C8orf34: variants seen among roughly 807,000 people sequenced by gnomAD.
C8orf34 encodes chromosome 8 open reading frame 34.
Under a neutral mutation model 68.3 loss-of-function variants are expected in C8orf34, and 65 were observed. The observed-to-expected ratio is 0.95, with a 90% confidence interval of 0.78 to 1.17. The LOEUF (loss-of-function observed/expected upper bound fraction) is 1.17, where lower values mean the gene tolerates loss of function less well. C8orf34 is among the 50% of genes most tolerant of loss of function. The probability of loss-of-function intolerance (pLI) is 0.00; values close to 1 mark genes in which losing one functional copy is unlikely to be tolerated. For synonymous variants in C8orf34, 244 were observed against 241.2 expected, an observed-to-expected ratio of 1.01 and a Z score of -0.11; for missense variants, 664 against 655.4, an observed-to-expected ratio of 1.01 and a Z score of -0.14.
intron 10 of C8orf34, among the ~76,000 whole-genome samples, chr8:68,738,856 A>G (rs1176460824): frequency 6.6e-6 from 1 of 152,188 alleles, no homozygotes; most frequent in East Asian, 1.9e-4. Flanking sequence ...TACCAGATGT[A>G]CAAAGAAAAT....
In C8orf34 at chr8:68,426,538, A is replaced by G. The variant is rs1231621372; in HGVS notation, c.328-12961A>G. Among the ~76,000 whole-genome samples, 140 of 149,948 alleles carry G rather than the reference A, an allele frequency of 9.3e-4. 1 individual carries two copies. Among genetic ancestry groups the G allele is most frequent in the Middle Eastern group, 3.4e-3 (1 of 290 alleles). Reference sequence around the variant, plus strand: ...TGTCTCAAAAAAAAAAAAAAAAAAAAAAAGAAAACAGAAAAAAAGCAAAAA... The same window carrying G: ...TGTCTCAAAAAAAAAAAAAAAAAAAGAAAGAAAACAGAAAAAAAGCAAAAA... On this transcript the variant is annotated intron_variant, in intron 1 of 13. Transcript: ENST00000518698.
rs568060899 is a variant in C8orf34 at position 68,572,276 on chromosome 8, C to CA, written c.1105+39133dup. ...ACACACACACACACAGTATTTCAAGCAAAAAATTTGTCAAACTACGTTTTT... is the reference window on the plus strand; with the variant it reads ...ACACACACACACACAGTATTTCAAGCAAAAAAATTTGTCAAACTACGTTTTT... On this transcript the variant is annotated intron_variant, in intron 7 of 13. Transcript: ENST00000518698. Among the ~76,000 whole-genome samples the CA allele has an allele frequency of 2.6e-3, 394 of 151,154 alleles. 3 individuals carry two copies. The highest frequency in any genetic ancestry group is 8.9e-3 in the African/African-American group (366 of 41,146).
intron 7 of C8orf34, among the ~76,000 whole-genome samples, chr8:68,630,968 A>T (rs796290906): frequency 0.022 from 1,173 of 53,866 alleles, 12 homozygotes; most frequent in African/African-American, 0.079. Flanking sequence ...TTTTTTTTTT[A>T]AAAAACAGGG....
At chr8:68,545,620 A>G (rs537369938) in intron 7 of C8orf34, among the ~76,000 whole-genome samples, 1 of 152,238 alleles carries the variant, frequency 6.6e-6, no homozygotes, top group South Asian at 2.1e-4. Flanking sequence ...GCCTTCCAAA[A>G]TTTTACATCC....
chr8:68,375,861 A>C (rs956835925), intron 1 of C8orf34, among the ~76,000 whole-genome samples: 3 of 152,198 alleles, frequency 2.0e-5, no homozygotes, highest in Non-Finnish European at 1.5e-5. Context: ...ATTGCAGTGA[A>C]GCCAAAATCA....
At chr8:68,524,412 G>A in intron 6 of C8orf34, among the ~76,000 whole-genome samples, 1 of 152,190 alleles carries the variant, frequency 6.6e-6, no homozygotes, top group East Asian at 1.9e-4. Flanking sequence ...TTAAGTGCTG[G>A]TTAGAAAAGA....
intron 1 of C8orf34, among the ~76,000 whole-genome samples, chr8:68,361,056 C>T (rs1348974943): frequency 6.6e-6 from 1 of 152,046 alleles, no homozygotes; most frequent in Non-Finnish European, 1.5e-5. Flanking sequence ...CATCCGGCCT[C>T]CCCTTTTTTC....
chr8:68,648,792 G>A (rs922258008), intron 8 of C8orf34, among the ~76,000 whole-genome samples: 2 of 152,104 alleles, frequency 1.3e-5, no homozygotes, highest in Non-Finnish European at 2.9e-5. Context: ...TTCAACCAAA[G>A]ATTGTTCTTC....
intron 8 of C8orf34, among the ~76,000 whole-genome samples, chr8:68,667,100 AT>A (rs535965780): frequency 2.6e-5 from 4 of 152,020 alleles, no homozygotes; most frequent in Non-Finnish European, 4.4e-5. Flanking sequence ...AATTTGATTA[AT>A]TTTTTTTGCA....
At chr8:68,543,334 A>G (rs189243053) in intron 7 of C8orf34, among the ~76,000 whole-genome samples, 36 of 152,266 alleles carry the variant, frequency 2.4e-4, no homozygotes, top group Non-Finnish European at 4.4e-4. Flanking sequence ...GATTATGAAA[A>G]GATATTTAAT....
intron 5 of C8orf34, among the ~76,000 whole-genome samples, chr8:68,499,630 C>T (rs1813679448): frequency 6.6e-6 from 1 of 152,056 alleles, no homozygotes; most frequent in South Asian, 2.1e-4. Flanking sequence ...TGTTAAAATT[C>T]GTAGGTAAAA....
At chr8:68,752,425 G>C (rs1223980827) in intron 10 of C8orf34, among the ~76,000 whole-genome samples, 1 of 152,100 alleles carries the variant, frequency 6.6e-6, no homozygotes, top group Non-Finnish European at 1.5e-5. Flanking sequence ...TCCCTGGCTG[G>C]GTAGGGCCAT....
At chr8:68,654,036 A>G (rs1415214883) in intron 8 of C8orf34, among the ~76,000 whole-genome samples, 1 of 152,178 alleles carries the variant, frequency 6.6e-6, no homozygotes, top group African/African-American at 2.4e-5. Context: ...GGTTAAAACA[A>G]TTCTGCTTTA....
chr8:68,397,958 G>A (rs1366996168), intron 1 of C8orf34, among the ~76,000 whole-genome samples: 8 of 151,732 alleles, frequency 5.3e-5, no homozygotes, highest in African/African-American at 1.9e-4. Flanking sequence ...CAGTAGAGAC[G>A]GGGTTTTACC....
At chr8:68,673,853 C>T (rs968560536) in intron 8 of C8orf34, among the ~76,000 whole-genome samples, 25 of 152,168 alleles carry the variant, frequency 1.6e-4, no homozygotes, top group African/African-American at 6.0e-4. Flanking sequence ...GTGGTTTCGT[C>T]TGACTCGGCA....
At chr8:68,655,985 CT>C (rs1184018665) in intron 8 of C8orf34, among the ~76,000 whole-genome samples, 1 of 152,100 alleles carries the variant, frequency 6.6e-6, no homozygotes, top group East Asian at 1.9e-4. Context: ...TTAAATTGTT[CT>C]TTTGGACCTT....
At chr8:68,586,983 G>A (rs1176972291) in intron 7 of C8orf34, among the ~76,000 whole-genome samples, 1 of 152,098 alleles carries the variant, frequency 6.6e-6, no homozygotes, top group Non-Finnish European at 1.5e-5. Context: ...GGTCTGCTAA[G>A]TAGAAATATC....
chr8:68,592,037 T>A (rs1817404430), intron 7 of C8orf34, among the ~76,000 whole-genome samples: 1 of 152,168 alleles, frequency 6.6e-6, no homozygotes. Flanking sequence ...TTTGCGCTTT[T>A]AAAAAAATTT....
chr8:68,533,092 A>G lies in C8orf34; in HGVS notation c.1048A>G (p.Thr350Ala). 5.0e-6 allele frequency: 8 copies of G among 1,611,968 alleles called. No homozygotes were observed. Among genetic ancestry groups the G allele is most frequent in the Non-Finnish European group, 6.8e-6 (8 of 1,179,038 alleles). ...QDSFESIHSP[T>A]PSVTEEDIDN... is the part of the protein sequence containing the mutation. ...TTCTTTTGAGTCCATCCACAGCCCT[A>G]CCCCATCTGTAACAGAAGAAGATAT... The change falls in exon 7 of 14, where the codon ACC becomes GCC. Residue 350 changes from threonine (T) to alanine (A), a missense_variant. By Grantham distance (58) the Thr-to-Ala change is moderately conservative (BLOSUM62 0). Transcript: ENST00000518698.
Sources: gnomAD v4.1 joint callset for allele counts (sites outside exome capture counted in the v4.1 genomes callset) on GRCh38, gnomAD v4.1.1 for gene constraint, MANE v1.5 for transcripts, NCBI Gene and HGNC (gene_info 2026-07-23, HGNC 2026-07-21) for gene names.